HLCS: variants seen among roughly 807,000 people sequenced by gnomAD.
The protein encoded by HLCS is holocarboxylase synthetase.
HLCS carries 53 observed loss-of-function variants against 75.0 expected under a neutral mutation model. The observed-to-expected ratio is 0.71, with a 90% confidence interval of 0.57 to 0.89. The LOEUF (loss-of-function observed/expected upper bound fraction) is 0.89, where lower values mean the gene tolerates loss of function less well. HLCS is among the 40% of genes least tolerant of loss of function. The probability of loss-of-function intolerance (pLI) is 0.00; values close to 1 mark genes in which losing one functional copy is unlikely to be tolerated. For synonymous variants in HLCS, 431 were observed against 428.6 expected, an observed-to-expected ratio of 1.01 and a Z score of -0.07; for missense variants, 966 against 1,074.0, an observed-to-expected ratio of 0.90 and a Z score of 1.41.
chr21:36,817,207 G>A (rs574366458), intron 6 of HLCS, among the ~76,000 whole-genome samples: 2 of 152,322 alleles, frequency 1.3e-5, no homozygotes, highest in South Asian at 2.1e-4. Context: ...TATAAAGGTA[G>A]ATTATAAACA....
intron 6 of HLCS, among the ~76,000 whole-genome samples, chr21:36,781,642 T>C (rs2060537410): frequency 6.6e-6 from 1 of 152,188 alleles, no homozygotes; most frequent in Non-Finnish European, 1.5e-5. Flanking sequence ...TTCTTTAAGG[T>C]TTCTCATTTC....
intron 1 of HLCS, among the ~76,000 whole-genome samples, chr21:36,966,001 C>A (rs1251195077): frequency 2.6e-5 from 4 of 152,146 alleles, no homozygotes; most frequent in African/African-American, 9.7e-5. Flanking sequence ...TCAAAGCTGT[C>A]CTTCCTCCTA....
chr21:36,840,349 A>C (rs974003770), intron 6 of HLCS, among the ~76,000 whole-genome samples: 2 of 152,204 alleles, frequency 1.3e-5, no homozygotes, highest in Admixed American at 1.3e-4. Context: ...TACTGCCTTC[A>C]TAACTATTGA....
intron 6 of HLCS, among the ~76,000 whole-genome samples, chr21:36,834,595 C>T (rs1166463624): frequency 6.6e-6 from 1 of 152,128 alleles, no homozygotes; most frequent in Non-Finnish European, 1.5e-5. Context: ...CTCACTCTGT[C>T]GCCAGGCTGG....
intron 6 of HLCS, among the ~76,000 whole-genome samples, chr21:36,833,593 T>TAATATATATATA (rs68117417): frequency 1.8e-4 from 25 of 140,010 alleles, no homozygotes; most frequent in African/African-American, 5.9e-4. Context: ...TAAAAAAAAA[T>TAATATATATATA]TATATATATA....
chr21:36,757,506 C>T (rs571438923), intron 9 of HLCS, among the ~76,000 whole-genome samples: 63 of 152,142 alleles, frequency 4.1e-4, no homozygotes, highest in African/African-American at 1.3e-3. Flanking sequence ...AATCGGCCTG[C>T]GAGAGGTCTT....
At chr21:36,959,415 C>T (rs2068156203) in intron 2 of HLCS, among the ~76,000 whole-genome samples, 1 of 152,190 alleles carries the variant, frequency 6.6e-6, no homozygotes, top group Non-Finnish European at 1.5e-5. Flanking sequence ...GTAGGCACCC[C>T]TCAGCACAAA....
At chr21:36,855,381 A>AT (rs36071670) in intron 6 of HLCS, among the ~76,000 whole-genome samples, 41,120 of 150,772 alleles carry the variant, frequency 0.27, 6,644 homozygotes, top group African/African-American at 0.45. Context: ...AAATAAAAAA[A>AT]AAAAAAATTA....
At chr21:36,775,991 C>T (rs1481512525) in intron 6 of HLCS, among the ~76,000 whole-genome samples, 1 of 152,172 alleles carries the variant, frequency 6.6e-6, no homozygotes, top group Non-Finnish European at 1.5e-5. Context: ...GAGAAGAAGT[C>T]CTTCCTCACA....
In HLCS at chr21:36,751,268, A is replaced by T. The variant is rs2089355162; in HGVS notation, c.*2978T>A. On this transcript the variant is annotated 3_prime_UTR_variant, in exon 11 of 11. Transcript: ENST00000674895. ...GTTTAAAGTGATTCTTTTCAGAGAC[A>T]TCCTTTGAGAAGTTAAAATTGCAGA... 1 of 152,688 alleles carries T rather than the reference A, an allele frequency of 6.5e-6. No homozygotes were observed. Among genetic ancestry groups the T allele is most frequent in the South Asian group, 2.1e-4 (1 of 4,836 alleles). 9.5% of individuals were successfully genotyped at this position (152,688 alleles called of 1,614,324 possible).
chr21:36,763,435 G>C, intron 8 of HLCS, among the ~76,000 whole-genome samples: 1 of 152,212 alleles, frequency 6.6e-6, no homozygotes, highest in Non-Finnish European at 1.5e-5. Flanking sequence ...GATGCTGGGT[G>C]CCTGGTAGTA....
chr21:36,906,066 A>AAG (rs1467197452), intron 5 of HLCS, among the ~76,000 whole-genome samples: 1 of 147,070 alleles, frequency 6.8e-6, no homozygotes, highest in Non-Finnish European at 1.5e-5. Flanking sequence ...AAAAAAAAAC[A>AAG]AAACAAAAAT....
intron 6 of HLCS, among the ~76,000 whole-genome samples, chr21:36,893,539 C>T (rs903063172): frequency 2.6e-5 from 4 of 152,090 alleles, no homozygotes; most frequent in African/African-American, 2.4e-5. Flanking sequence ...CACCAGGGTC[C>T]GGTTTTGTGG....
intron 6 of HLCS, among the ~76,000 whole-genome samples, chr21:36,778,425 G>A (rs539852796): frequency 6.6e-6 from 1 of 152,176 alleles, no homozygotes; most frequent in East Asian, 1.9e-4. Context: ...GATTACAGGT[G>A]TGCACCACCA....
At position 36,840,842 on chromosome 21, in the gene HLCS, A is replaced by G. The variant is rs374062366; in HGVS notation, c.1892+56018T>C. Reference sequence around the variant, plus strand: ...TGGCCAGGCTGGTCTTGAACTCTTGACCTCAGGTGATCTGCCTGCCTTGGC... The same window carrying G: ...TGGCCAGGCTGGTCTTGAACTCTTGGCCTCAGGTGATCTGCCTGCCTTGGC... On this transcript the variant is annotated intron_variant, in intron 6 of 10. Transcript: ENST00000674895. Among the ~76,000 whole-genome samples the G allele has an allele frequency of 9.2e-5, 14 of 152,132 alleles. No homozygotes were observed. The East Asian group carries it at 1.9e-3, about 21-fold the overall frequency.
At chr21:36,775,043 C>A (rs148438221) in intron 6 of HLCS, among the ~76,000 whole-genome samples, 3 of 152,154 alleles carry the variant, frequency 2.0e-5, no homozygotes, top group South Asian at 4.1e-4. Flanking sequence ...CAGTAGGAGG[C>A]AACACGGGAA....
intron 6 of HLCS, among the ~76,000 whole-genome samples, chr21:36,827,885 C>G (rs2062062569): frequency 6.7e-6 from 1 of 149,452 alleles, no homozygotes; most frequent in Non-Finnish European, 1.5e-5. Flanking sequence ...GTGATCTTGG[C>G]TCACTGCAAG....
chr21:36,853,571 A>G (rs901934922), intron 6 of HLCS, among the ~76,000 whole-genome samples: 1 of 152,248 alleles, frequency 6.6e-6, no homozygotes, highest in Non-Finnish European at 1.5e-5. Context: ...TTTTAAGTAC[A>G]GCAGATTAAA....
intron 5 of HLCS, among the ~76,000 whole-genome samples, chr21:36,908,085 G>A (rs200348067): frequency 2.6e-3 from 370 of 140,906 alleles, no homozygotes; most frequent in Admixed American, 4.6e-3. Flanking sequence ...AAAAGAAAAA[G>A]AAAAAAAAAA....
Sources: allele counts gnomAD v4.1 joint callset (sites outside exome capture counted in the v4.1 genomes callset), GRCh38; gene constraint gnomAD v4.1.1; transcripts MANE v1.5; gene names NCBI Gene and HGNC (gene_info 2026-07-23, HGNC 2026-07-21).